Variants in MYO3B observed in about 807,000 individuals in gnomAD.
MYO3B encodes the protein myosin IIIB, also known as myosin-IIIb.
MYO3B carries 156 observed loss-of-function variants against 174.6 expected under a neutral mutation model. The ratio of observed to expected loss-of-function variants is 0.89; its 90% confidence interval spans 0.78 to 1.02. MYO3B has a LOEUF of 1.02. MYO3B is among the 50% of genes least tolerant of loss of function. MYO3B has a pLI of 0.00. For missense variants in MYO3B, 1,632 were observed against 1,639.4 expected, an observed-to-expected ratio of 1.00 and a Z score of 0.08; for synonymous variants, 563 against 569.1, an observed-to-expected ratio of 0.99 and a Z score of 0.15.
At chr2:170,219,759 C>T (rs2092872147) in intron 6 of MYO3B, among the ~76,000 whole-genome samples, 1 of 152,156 alleles carries the variant, frequency 6.6e-6, no homozygotes, top group Non-Finnish European at 1.5e-5. Flanking sequence ...TTGATATTAG[C>T]AAATTTGTCT....
At chr2:170,402,359 C>T (rs1214122235) in intron 18 of MYO3B, among the ~76,000 whole-genome samples, 1 of 152,126 alleles carries the variant, frequency 6.6e-6, no homozygotes, top group Non-Finnish European at 1.5e-5. Context: ...ATCAAAGAGA[C>T]ATTTTATGAA....
intron 1 of MYO3B, among the ~76,000 whole-genome samples, chr2:170,192,079 C>CAA: frequency 6.6e-6 from 1 of 152,046 alleles, no homozygotes; most frequent in East Asian, 1.9e-4. Flanking sequence ...TTTTTTTCTT[C>CAA]ATGACCTGGA....
chr2:170,445,340 A>T (rs1207515706), intron 23 of MYO3B, among the ~76,000 whole-genome samples: 2 of 146,756 alleles, frequency 1.4e-5, no homozygotes, highest in African/African-American at 2.5e-5. Flanking sequence ...GCGGGGATAC[A>T]TTTTTTTTTT....
At chr2:170,497,364 C>T (rs890751138) in intron 25 of MYO3B, among the ~76,000 whole-genome samples, 2 of 152,206 alleles carry the variant, frequency 1.3e-5, no homozygotes, top group African/African-American at 2.4e-5. Flanking sequence ...CGCCTGTAAT[C>T]CCAGCACTTT....
At chr2:170,236,870 G>A (rs545942910) in intron 7 of MYO3B, among the ~76,000 whole-genome samples, 2 of 152,316 alleles carry the variant, frequency 1.3e-5, no homozygotes, top group African/African-American at 2.4e-5. Context: ...GGCAGGCTGG[G>A]AGCCATTTAA....
At chr2:170,431,102 T>A (rs1217180212) in intron 22 of MYO3B, among the ~76,000 whole-genome samples, 1 of 152,176 alleles carries the variant, frequency 6.6e-6, no homozygotes, top group Non-Finnish European at 1.5e-5. Flanking sequence ...TATTGTATTT[T>A]TAAATGGGTC....
intron 7 of MYO3B, among the ~76,000 whole-genome samples, chr2:170,313,865 G>GAC (rs140910602): frequency 1.3e-5 from 2 of 151,728 alleles, no homozygotes; most frequent in Non-Finnish European, 2.9e-5. Context: ...CACACACACA[G>GAC]ACACACACAC....
In MYO3B at chr2:170,206,961, A is replaced by G. The variant is rs146082857; in HGVS notation, c.321+6677A>G. 6.6e-6 allele frequency among the ~76,000 whole-genome samples: 1 copy of G among 152,274 alleles called. No individual in the cohort carries two copies. The highest frequency in any genetic ancestry group is 1.9e-4 in the East Asian group (1 of 5,170). On this transcript the variant is annotated intron_variant, in intron 3 of 34. Coordinates refer to ENST00000408978, the MANE Select transcript of MYO3B (RefSeq NM_138995.5). This position sits in a 1 kb window ranked among gnomAD's most constrained non-coding sequence, Gnocchi z 4.3. ...AACTCTAACCTTATCCCTGTCCCCAAATAGAGCATGAAGTTCTGAGTGTCT... is the reference window on the plus strand; with the variant it reads ...AACTCTAACCTTATCCCTGTCCCCAGATAGAGCATGAAGTTCTGAGTGTCT...
chr2:170,555,423 C>G (rs1691217304), intron 32 of MYO3B, among the ~76,000 whole-genome samples: 2 of 152,298 alleles, frequency 1.3e-5, no homozygotes, highest in South Asian at 2.1e-4. Flanking sequence ...CCTTATTCCT[C>G]CCTCCCCACA....
chr2:170,496,043 AGATATCTG>A (rs1686838643), intron 25 of MYO3B, among the ~76,000 whole-genome samples: 1 of 152,192 alleles, frequency 6.6e-6, no homozygotes, highest in Non-Finnish European at 1.5e-5. Flanking sequence ...TAGCTCCGGA[AGATATCTG>A]CTATGAGCAG....
chr2:170,634,991 G>GA (rs1697342260), intron 32 of MYO3B, among the ~76,000 whole-genome samples: 1 of 152,198 alleles, frequency 6.6e-6, no homozygotes, highest in Non-Finnish European at 1.5e-5. Context: ...TGGAGAAATA[G>GA]GAACACTTTT....
At chr2:170,226,098 T>A (rs2105393570) in intron 6 of MYO3B, among the ~76,000 whole-genome samples, 1 of 152,274 alleles carries the variant, frequency 6.6e-6, no homozygotes, top group Admixed American at 6.5e-5. Flanking sequence ...CTCACCAAGT[T>A]CCCAGTAAGA....
chr2:170,498,079 T>C (rs1261089266), intron 25 of MYO3B, among the ~76,000 whole-genome samples: 1 of 152,172 alleles, frequency 6.6e-6, no homozygotes, highest in Non-Finnish European at 1.5e-5. Context: ...TTTTCGTGAT[T>C]ATATCAAGAA....
In MYO3B at chr2:170,387,116, A is replaced by C. The variant is rs774719939; in HGVS notation, c.1385A>C (p.Gln462Pro). The C allele has an allele frequency of 3.1e-6, 5 of 1,614,002 alleles. No individual in the cohort carries two copies. The South Asian group carries it at 5.5e-5, about 18-fold the overall frequency. The change falls in exon 14 of 35, where the codon CAG (glutamine) becomes CCG (proline). Residue 462 changes from glutamine (Q) to proline (P), a missense_variant. Coordinates refer to ENST00000408978, the MANE Select transcript of MYO3B (RefSeq NM_138995.5). ...HLTFLGKANN[Q>P]TLREKILQVN... ...CTCTGTTTGGCACAGGCCAATAATC[A>C]GACCTTGAGAGAGAAAATTCTACAA...
intron 25 of MYO3B, among the ~76,000 whole-genome samples, chr2:170,470,587 G>T (rs910194812): frequency 6.6e-6 from 1 of 152,088 alleles, no homozygotes; most frequent in African/African-American, 2.4e-5. Context: ...TTTTAATGTG[G>T]ACATATGTTT....
At chr2:170,272,287 C>A (rs528327264) in intron 7 of MYO3B, among the ~76,000 whole-genome samples, 1 of 152,184 alleles carries the variant, frequency 6.6e-6, no homozygotes, top group East Asian at 1.9e-4. Flanking sequence ...GCTTCTGAGG[C>A]TCACTCAAAC....
intron 7 of MYO3B, among the ~76,000 whole-genome samples, chr2:170,333,161 A>G (rs1384810942): frequency 1.3e-5 from 2 of 152,204 alleles, no homozygotes; most frequent in East Asian, 3.9e-4. Context: ...ATACGGCTGT[A>G]GAGATGATCT....
intron 3 of MYO3B, among the ~76,000 whole-genome samples, chr2:170,211,179 A>G (rs1026878526): frequency 3.9e-5 from 6 of 152,202 alleles, no homozygotes; most frequent in Non-Finnish European, 5.9e-5. Flanking sequence ...CCATGGCCCC[A>G]GGAGTTATCT....
At chr2:170,601,339 C>T (rs1694496179) in intron 32 of MYO3B, among the ~76,000 whole-genome samples, 1 of 152,136 alleles carries the variant, frequency 6.6e-6, no homozygotes, top group East Asian at 1.9e-4. Context: ...TTGTGCTGTG[C>T]ACCAACAAGA....
Sources: gnomAD v4.1 joint callset for allele counts (sites outside exome capture counted in the v4.1 genomes callset) on GRCh38, gnomAD v4.1.1 for gene constraint, Gnocchi (gnomAD v3.1) non-coding constraint, MANE v1.5 for transcripts, NCBI Gene and HGNC (gene_info 2026-07-23, HGNC 2026-07-21) for gene names.